The following IL1RAPL1 variants were observed in gnomAD, a reference collection of about 807,000 sequenced individuals.
IL1RAPL1 encodes interleukin 1 receptor accessory protein like 1.
IL1RAPL1 carries 3 observed loss-of-function variants against 48.4 expected under a neutral mutation model. The ratio of observed to expected loss-of-function variants is 0.06; its 90% confidence interval spans 0.03 to 0.16. The LOEUF (loss-of-function observed/expected upper bound fraction) is 0.16. Ranked by LOEUF, IL1RAPL1 falls within the 10% of genes least tolerant of loss-of-function variation. IL1RAPL1 has a pLI of 1.00. For missense variants in IL1RAPL1, 349 were observed against 530.6 expected, an observed-to-expected ratio of 0.66 and a Z score of 3.36; for synonymous variants, 185 against 187.7, an observed-to-expected ratio of 0.99 and a Z score of 0.12.
At chrX:29,570,063 A>G (rs1046952923) in intron 5 of IL1RAPL1, among the ~76,000 whole-genome samples, 1 of 112,300 alleles carries the variant, frequency 8.9e-6, no homozygotes, top group African/African-American at 3.2e-5. Context: ...TATCATATAG[A>G]ACAGTGGAAT....
At chrX:29,132,345 A>G (rs759841924) in intron 2 of IL1RAPL1, among the ~76,000 whole-genome samples, 2 of 111,993 alleles carry the variant, frequency 1.8e-5, no homozygotes, top group African/African-American at 3.2e-5. Context: ...AAAAATGCCT[A>G]TTGCCTAATG....
At chrX:29,637,134 A>C (rs1424541791) in intron 5 of IL1RAPL1, among the ~76,000 whole-genome samples, 1 of 110,040 alleles carries the variant, frequency 9.1e-6, no homozygotes, top group Admixed American at 9.8e-5. Context: ...ATAGTAAATA[A>C]TAAGGAAAAC....
chrX:28,726,112 T>G (rs1935673693), intron 1 of IL1RAPL1, among the ~76,000 whole-genome samples: 1 of 112,083 alleles, frequency 8.9e-6, no homozygotes, highest in Non-Finnish European at 1.9e-5. Context: ...TTCAGATAGG[T>G]ATCTGGATTC....
chrX:28,729,307 G>C (rs1935724657), intron 1 of IL1RAPL1, among the ~76,000 whole-genome samples: 1 of 111,234 alleles, frequency 9.0e-6, no homozygotes, highest in Non-Finnish European at 1.9e-5. Context: ...TTCTAGGTAG[G>C]ACTCCAGAAT....
At chrX:29,686,484 ACATATG>A (rs1926620067) in intron 6 of IL1RAPL1, among the ~76,000 whole-genome samples, 1 of 110,097 alleles carries the variant, frequency 9.1e-6, no homozygotes, top group Non-Finnish European at 1.9e-5. Flanking sequence ...CTTTTACAAA[ACATATG>A]CACCTAGTTT....
At chrX:29,091,984 A>T (rs1488034919) in intron 2 of IL1RAPL1, among the ~76,000 whole-genome samples, 1 of 111,923 alleles carries the variant, frequency 8.9e-6, no homozygotes, top group Non-Finnish European at 1.9e-5. Context: ...CTTCCATTGT[A>T]TGTAGTTTTT....
At chrX:29,748,297 T>G (rs1001561292) in intron 6 of IL1RAPL1, among the ~76,000 whole-genome samples, 11 of 112,141 alleles carry the variant, frequency 9.8e-5, no homozygotes, top group Non-Finnish European at 2.1e-4. Flanking sequence ...TACCAAAAAC[T>G]TTCTGGAAAC....
chrX:29,258,396 T>A (rs763389688), intron 2 of IL1RAPL1, among the ~76,000 whole-genome samples: 1 of 111,447 alleles, frequency 9.0e-6, no homozygotes, highest in African/African-American at 3.3e-5. Context: ...AACAACATGT[T>A]ACCTTCGGGT....
At chrX:29,042,061 T>C (rs1393986233) in intron 2 of IL1RAPL1, among the ~76,000 whole-genome samples, 7 of 111,770 alleles carry the variant, frequency 6.3e-5, no homozygotes, top group Non-Finnish European at 1.1e-4. Flanking sequence ...CTTCATCTTC[T>C]CCTTCTTCCC....
chrX:28,993,194 GA>G (rs1486300343), intron 2 of IL1RAPL1, among the ~76,000 whole-genome samples: 1 of 112,086 alleles, frequency 8.9e-6, no homozygotes, highest in African/African-American at 3.2e-5. Flanking sequence ...ATTTGCAAAT[GA>G]AAATTTAAAA....
At chrX:29,672,029 C>T (rs1292385107) in intron 6 of IL1RAPL1, among the ~76,000 whole-genome samples, 3 of 111,911 alleles carry the variant, frequency 2.7e-5, no homozygotes, top group African/African-American at 9.7e-5. Flanking sequence ...TTACACTCTA[C>T]ATTATAAACG....
At chrX:29,205,134 G>A (rs1930636979) in intron 2 of IL1RAPL1, among the ~76,000 whole-genome samples, 2 of 111,346 alleles carry the variant, frequency 1.8e-5, no homozygotes, top group Admixed American at 1.9e-4. Context: ...ACTGAAAATT[G>A]CAGTTCCCAT....
intron 2 of IL1RAPL1, among the ~76,000 whole-genome samples, chrX:28,823,649 C>A (rs188014403): frequency 1.8e-5 from 2 of 111,606 alleles, no homozygotes; most frequent in East Asian, 5.7e-4. Context: ...CAACTGTGTA[C>A]TTTTGGAAGC....
intron 5 of IL1RAPL1, among the ~76,000 whole-genome samples, chrX:29,575,965 C>T: frequency 8.9e-6 from 1 of 112,270 alleles, no homozygotes; most frequent in Non-Finnish European, 1.9e-5. Flanking sequence ...CTCATGGCAA[C>T]AGCGCCTATC....
intron 6 of IL1RAPL1, among the ~76,000 whole-genome samples, chrX:29,766,362 T>G (rs1569163248): frequency 1.4e-5 from 1 of 69,908 alleles, no homozygotes; most frequent in South Asian, 5.8e-4. Flanking sequence ...TATATATATA[T>G]AGATAGATAG....
At chrX:28,615,441 G>A (rs924661175) in intron 1 of IL1RAPL1, among the ~76,000 whole-genome samples, 2 of 109,730 alleles carry the variant, frequency 1.8e-5, no homozygotes, top group African/African-American at 6.7e-5. Context: ...GCTCGATTGT[G>A]TATATAAACA....
At chrX:29,514,105 C>T (rs1413296499) in intron 5 of IL1RAPL1, among the ~76,000 whole-genome samples, 1 of 111,006 alleles carries the variant, frequency 9.0e-6, no homozygotes, top group African/African-American at 3.3e-5. Context: ...AACCCAATTA[C>T]AAAAGAAAAA....
chrX:29,738,542 C>T (rs987388901), intron 6 of IL1RAPL1, among the ~76,000 whole-genome samples: 1 of 104,107 alleles, frequency 9.6e-6, no homozygotes, highest in African/African-American at 3.6e-5. Flanking sequence ...ATTTCCTGGG[C>T]ACAAGCAATC....
intron 6 of IL1RAPL1, among the ~76,000 whole-genome samples, chrX:29,678,274 C>T (rs141970316): frequency 0.061 from 6,507 of 106,923 alleles, 211 homozygotes; most frequent in Middle Eastern, 0.21. Context: ...GGCTTTAAAA[C>T]CTAAGCCCCA....
Sources: allele counts gnomAD v4.1 joint callset (sites outside exome capture counted in the v4.1 genomes callset), GRCh38; gene constraint gnomAD v4.1.1; transcripts MANE v1.5; gene names NCBI Gene and HGNC (gene_info 2026-07-23, HGNC 2026-07-21).